HYDIN: variants seen among roughly 807,000 people sequenced by gnomAD.
HYDIN encodes the protein axonemal central pair apparatus protein HYDIN.
A neutral mutation model predicts 403.9 loss-of-function variants in HYDIN; 132 were observed. The observed-to-expected ratio is 0.33, with a 90% confidence interval of 0.28 to 0.38. The LOEUF (loss-of-function observed/expected upper bound fraction) is 0.38. HYDIN is among the 10% of genes least tolerant of loss of function. HYDIN has a pLI of 1.00. For missense variants in HYDIN, 2,827 were observed against 5,009.5 expected, an observed-to-expected ratio of 0.56 and a Z score of 13.15; for synonymous variants, 1,202 against 1,891.7, an observed-to-expected ratio of 0.64 and a Z score of 9.46.
At chr16:71,227,984 C>T (rs1382138230) in intron 1 of HYDIN, among the ~76,000 whole-genome samples, 1 of 151,864 alleles carries the variant, frequency 6.6e-6, no homozygotes, top group Admixed American at 6.6e-5. Context: ...TGGAACAGAA[C>T]GGAGCCCTCA....
rs545560444 is a variant in HYDIN at position 71,053,834 on chromosome 16, A to G, written c.2529+6670T>C. Among the ~76,000 whole-genome samples, 15 of 152,216 alleles carry G rather than the reference A, an allele frequency of 9.9e-5. No homozygotes were observed. In the South Asian group the frequency reaches 3.1e-3, roughly 32 times the overall value. On this transcript the variant is annotated intron_variant, in intron 18 of 85. Coordinates refer to ENST00000393567, the MANE Select transcript of HYDIN (RefSeq NM_001270974.2). ...TAAATAAATGTGGGGAAAGATTAAC[A>G]TGTGTTAATTTTTGTATCAAGTATA...
chr16:70,980,044 A>C (rs989003264), intron 29 of HYDIN, among the ~76,000 whole-genome samples: 6 of 151,598 alleles, frequency 4.0e-5, no homozygotes, highest in Non-Finnish European at 8.8e-5. Context: ...ATTATTTTAA[A>C]GCCCTTACTG....
chr16:70,866,067 A>G, intron 67 of HYDIN, 102 bp downstream of exon 67: 1 of 601,690 alleles, frequency 1.7e-6, no homozygotes, highest in Non-Finnish European at 3.0e-6. Context: ...TACGATGCCT[A>G]GTAGATGCTG....
chr16:70,898,836 A>G (rs1301720723), intron 53 of HYDIN, among the ~76,000 whole-genome samples: 1 of 149,478 alleles, frequency 6.7e-6, no homozygotes, highest in Non-Finnish European at 1.5e-5. Flanking sequence ...CTCCGCCTCC[A>G]GGGTTCAAGT....
At chr16:71,077,660 T>C (rs553863211) in intron 13 of HYDIN, among the ~76,000 whole-genome samples, 2 of 152,106 alleles carry the variant, frequency 1.3e-5, no homozygotes, top group East Asian at 3.9e-4. Context: ...GAATAGTTTT[T>C]TGTTTTTTGT....
chr16:70,953,475 C>A (rs1011760196), intron 40 of HYDIN, among the ~76,000 whole-genome samples: 3 of 152,126 alleles, frequency 2.0e-5, no homozygotes, highest in Non-Finnish European at 2.9e-5. Context: ...TCGCTTCTCC[C>A]TTTCCTAAGG....
chr16:71,170,520 C>T (rs117248555), intron 5 of HYDIN, among the ~76,000 whole-genome samples: 1 of 152,190 alleles, frequency 6.6e-6, no homozygotes, highest in East Asian at 1.9e-4. Flanking sequence ...TTCTAAACAA[C>T]GTGATAGGAA....
chr16:71,174,077 T>C (rs1201964427), intron 5 of HYDIN, among the ~76,000 whole-genome samples: 7 of 152,180 alleles, frequency 4.6e-5, no homozygotes, highest in Non-Finnish European at 2.9e-5. Context: ...TTCAACAATA[T>C]GCAACAAAAA....
intron 81 of HYDIN, among the ~76,000 whole-genome samples, chr16:70,829,379 G>A (rs1322206985): frequency 6.7e-6 from 1 of 149,468 alleles, no homozygotes; most frequent in African/African-American, 2.5e-5. Flanking sequence ...GATTACAGGT[G>A]TGCACCACCA....
At chr16:71,069,169 G>C in intron 14 of HYDIN, 98 bp downstream of exon 14, 1 of 1,349,986 alleles carries the variant, frequency 7.4e-7, no homozygotes, top group Non-Finnish European at 1.0e-6. Flanking sequence ...CCCTCCTGCT[G>C]ACACTGGACA....
chr16:71,000,224 C>T (rs1000012886), intron 23 of HYDIN, among the ~76,000 whole-genome samples: 4 of 151,976 alleles, frequency 2.6e-5, no homozygotes, highest in South Asian at 2.1e-4. Flanking sequence ...TGATAGTTTC[C>T]GCTGATTTCA....
chr16:71,018,547 T>TTTA (rs1245861372), intron 22 of HYDIN, 105 bp from the exon 23 acceptor site: 5 of 637,350 alleles, frequency 7.8e-6, no homozygotes, highest in Non-Finnish European at 1.1e-5. Flanking sequence ...ATTACATGTA[T>TTTA]TTATGCACAC....
chr16:71,149,707 T>C lies in HYDIN; in HGVS notation c.841+2952A>G, dbSNP rs527947338. On this transcript the variant is annotated intron_variant, in intron 7 of 85. Transcript: ENST00000393567. ...ATGCCTGCCTAATTTTTTTGTATTTTAGTACAGACATGGTTTCACCATGTT... is the reference window on the plus strand; with the variant it reads ...ATGCCTGCCTAATTTTTTTGTATTTCAGTACAGACATGGTTTCACCATGTT... Among the ~76,000 whole-genome samples the C allele has an allele frequency of 2.0e-5, 3 of 152,234 alleles. No homozygotes were observed. In the East Asian group the frequency reaches 5.8e-4, roughly 29 times the overall value.
chr16:71,018,754 G>A (rs1448183533), intron 22 of HYDIN, among the ~76,000 whole-genome samples: 1 of 152,306 alleles, frequency 6.6e-6, no homozygotes, highest in Non-Finnish European at 1.5e-5. Flanking sequence ...GATAAGTGTT[G>A]TGTGGGGTTA....
chr16:71,191,612 T>C (rs2087441901), intron 1 of HYDIN, among the ~76,000 whole-genome samples: 1 of 152,028 alleles, frequency 6.6e-6, no homozygotes, highest in South Asian at 2.1e-4. Context: ...CTCACAACCT[T>C]GCAAATTCAG....
chr16:70,845,806 T>C (rs1255563211), intron 75 of HYDIN, among the ~76,000 whole-genome samples: 1 of 136,572 alleles, frequency 7.3e-6, no homozygotes. Context: ...CCATTTCTTC[T>C]AGATTTTCTA....
At position 70,837,672 on chromosome 16, in the gene HYDIN, C is replaced by T. The variant is rs1258599301; in HGVS notation, c.13242+18G>A. 4 of 1,613,648 alleles carry T rather than the reference C, an allele frequency of 2.5e-6. No homozygotes were observed. Among genetic ancestry groups the T allele is most frequent in the Non-Finnish European group, 2.5e-6 (3 of 1,179,752 alleles). ...AAAGGAGGGTGCCACGCCTGAAGGCCTCCCGACTGTCTGTTACCTTCATTT... is the reference window on the plus strand; with the variant it reads ...AAAGGAGGGTGCCACGCCTGAAGGCTTCCCGACTGTCTGTTACCTTCATTT... On this transcript the variant is annotated intron_variant, in intron 77 of 85. Coordinates refer to ENST00000393567, the MANE Select transcript of HYDIN (RefSeq NM_001270974.2).
At chr16:71,022,859 T>G (rs2080547722) in intron 21 of HYDIN, among the ~76,000 whole-genome samples, 1 of 151,138 alleles carries the variant, frequency 6.6e-6, no homozygotes, top group African/African-American at 2.4e-5. Context: ...AATCTAGTAA[T>G]AAATTCAAAC....
chr16:71,067,358 G>A lies in HYDIN; in HGVS notation c.2007C>T (p.Tyr669=), dbSNP rs759101731. 2.3e-5 allele frequency: 37 copies of A among 1,612,202 alleles called. No homozygotes were observed. Among genetic ancestry groups the A allele is most frequent in the East Asian group, 1.1e-4 (5 of 44,850 alleles). The change falls in exon 15 of 86, where the codon TAC becomes TAT. Residue 669 remains tyrosine, a synonymous_variant. Transcript: ENST00000393567. ...VTLCSNTVQK[Y]ELALVVDVEG... is the part of the protein sequence containing the mutation. Reference sequence around the variant, plus strand: ...CCACGTCCACCACGAGTGCCAGCTCGTATTTCTGCACAGTGTTGGAGCATA... The same window carrying A: ...CCACGTCCACCACGAGTGCCAGCTCATATTTCTGCACAGTGTTGGAGCATA...
Sources: allele counts gnomAD v4.1 joint callset (sites outside exome capture counted in the v4.1 genomes callset), GRCh38; gene constraint gnomAD v4.1.1; transcripts MANE v1.5; gene names NCBI Gene and HGNC (gene_info 2026-07-23, HGNC 2026-07-21).